The following HBEGF variants were observed in gnomAD, a reference collection of about 807,000 sequenced individuals.
HBEGF encodes the protein heparin binding EGF like growth factor.
Under a neutral mutation model 19.5 loss-of-function variants are expected in HBEGF, and 8 were observed. That is an observed-to-expected ratio of 0.41 (90% CI 0.24 to 0.74). HBEGF has a LOEUF of 0.74. Ranked by LOEUF, HBEGF falls within the 30% of genes least tolerant of loss-of-function variation. HBEGF has a pLI of 0.32. For missense variants in HBEGF, 207 were observed against 256.9 expected (o/e 0.81, Z 1.33); for synonymous variants, 97 against 108.9 (o/e 0.89, Z 0.68).
rs1380474300 is a variant in HBEGF, at chr5:140,342,768, C to A, written c.265G>T (p.Glu89Ter). 3 of 1,614,198 alleles carry A rather than the reference C, an allele frequency of 1.9e-6. No individual in the cohort carries two copies. The highest frequency in any genetic ancestry group is 1.7e-6 in the Non-Finnish European group (2 of 1,180,032). ...TTCTTCTTTCTTTTCCCGTGCTCCTCCTTGTTTGGTGTGGCCAGTGCTTGT... is the reference window on the plus strand; with the variant it reads ...TTCTTCTTTCTTTTCCCGTGCTCCTACTTGTTTGGTGTGGCCAGTGCTTGT... ...KPQALATPNK[E>*]EHGKRKKKGK... The change falls in exon 3 of 6, where the codon GAG (glutamate) becomes TAG (stop). Residue 89 changes from glutamate (E) to a stop codon, truncating the protein, a stop_gained. Transcript: ENST00000230990. LOFTEE classifies it high-confidence loss of function.
Position 140,345,878 on chromosome 5 carries a change from CA to C in HBEGF, c.220+32del, listed in dbSNP as rs752913717. On this transcript the variant is annotated intron_variant, in intron 2 of 5. Coordinates refer to ENST00000230990, the MANE Select transcript of HBEGF (RefSeq NM_001945.3). ...ATCTGCTTATTCTTCAACAGCCCAC[CA>C]AGGTCCAAGGATGGGGGGCCTCCAC... 1.3e-5 allele frequency: 21 copies of C among 1,612,438 alleles called. No homozygotes were observed. The Admixed American group carries it at 3.5e-4, about 27-fold the overall frequency.
chr5:140,344,995 T>G (rs771760481), intron 2 of HBEGF, among the ~76,000 whole-genome samples: 2 of 152,032 alleles, frequency 1.3e-5, no homozygotes, highest in Non-Finnish European at 2.9e-5. Context: ...CCAGGCTCAG[T>G]TTTGGAGTAT....
At chr5:140,335,429 C>T (rs909232540) in intron 4 of HBEGF, among the ~76,000 whole-genome samples, 5 of 151,092 alleles carry the variant, frequency 3.3e-5, no homozygotes, top group African/African-American at 4.9e-5. Context: ...GCATAGAGTG[C>T]TTGGTGGGTC....
chr5:140,341,218 A>G (rs1244744496), intron 3 of HBEGF, among the ~76,000 whole-genome samples: 2 of 152,200 alleles, frequency 1.3e-5, no homozygotes, highest in Non-Finnish European at 2.9e-5. Context: ...CCAGCTCTCC[A>G]GGAGGGCAAC....
chr5:140,346,510 C>A lies in HBEGF; in HGVS notation c.-182G>T. On this transcript the variant is annotated 5_prime_UTR_variant, in exon 1 of 6. Coordinates refer to ENST00000230990, the MANE Select transcript of HBEGF (RefSeq NM_001945.3). The surrounding 1 kb of genome is among the most constrained non-coding windows in gnomAD (Gnocchi z 6.1). Reference sequence around the variant, plus strand: ...AGCTCGCTCTTCTTGAGTGTCTTGTCTTGCTCACTCAGCCCGCCCGCGCGG... The same window carrying A: ...AGCTCGCTCTTCTTGAGTGTCTTGTATTGCTCACTCAGCCCGCCCGCGCGG... The A allele has an allele frequency of 2.9e-6, 2 of 682,160 alleles. No homozygotes were observed. Among genetic ancestry groups the A allele is most frequent in the Non-Finnish European group, 4.9e-6 (2 of 408,542 alleles). The allele number at this position is 682,160 out of a possible 1,614,324, so 42.3% of individuals were successfully genotyped here. A position where few individuals can be genotyped will look rare whatever the true frequency, so the allele number is the denominator to read the frequency against.
intron 3 of HBEGF, among the ~76,000 whole-genome samples, chr5:140,339,002 G>A (rs543611251): frequency 6.6e-6 from 1 of 152,264 alleles, no homozygotes; most frequent in East Asian, 1.9e-4. Flanking sequence ...CTAAACATTG[G>A]TTTCCTCATG....
chr5:140,343,769 C>G (rs1202382595), intron 2 of HBEGF, among the ~76,000 whole-genome samples: 1 of 152,202 alleles, frequency 6.6e-6, no homozygotes, highest in Non-Finnish European at 1.5e-5. Context: ...ATGGCTACAG[C>G]CATGTGTCTT....
chr5:140,346,509 T>A lies in HBEGF; in HGVS notation c.-181A>T. ...CAGCTCGCTCTTCTTGAGTGTCTTG[T>A]CTTGCTCACTCAGCCCGCCCGCGCG... On this transcript the variant is annotated 5_prime_UTR_variant, in exon 1 of 6. Coordinates refer to ENST00000230990, the MANE Select transcript of HBEGF (RefSeq NM_001945.3). This position sits in a 1 kb window ranked among gnomAD's most constrained non-coding sequence, Gnocchi z 6.1. 1 of 680,838 alleles carries A rather than the reference T, an allele frequency of 1.5e-6. No individual in the cohort carries two copies. The highest frequency in any genetic ancestry group is 1.8e-5 in the African/African-American group (1 of 54,768). The allele number at this position is 680,838 out of a possible 1,614,324, so 42.2% of individuals were successfully genotyped here. A position where few individuals can be genotyped will look rare whatever the true frequency, so the allele number is the denominator to read the frequency against.
intron 3 of HBEGF, among the ~76,000 whole-genome samples, chr5:140,342,369 C>T (rs563907080): frequency 7.9e-5 from 12 of 152,276 alleles, no homozygotes; most frequent in African/African-American, 2.9e-4. Flanking sequence ...GCCAGCTGTC[C>T]TAGCCACATG....
intron 3 of HBEGF, among the ~76,000 whole-genome samples, chr5:140,338,760 C>G (rs1766264864): frequency 6.6e-6 from 1 of 152,172 alleles, no homozygotes; most frequent in East Asian, 1.9e-4. Flanking sequence ...AGCCACCCAC[C>G]AGACTAGGAC....
chr5:140,336,459 C>T (rs1349176463), intron 3 of HBEGF, among the ~76,000 whole-genome samples: 2 of 152,216 alleles, frequency 1.3e-5, no homozygotes, highest in African/African-American at 2.4e-5. Context: ...CAGTGAGGCC[C>T]CTCAACATTC....
chr5:140,342,499 CT>C, intron 3 of HBEGF, 135 bp downstream of exon 3: 1 of 836,314 alleles, frequency 1.2e-6, no homozygotes, highest in South Asian at 1.7e-5. Flanking sequence ...TATATTTCCC[CT>C]CCTCCCAACT....
chr5:140,338,646 C>T (rs1766263489), intron 3 of HBEGF, among the ~76,000 whole-genome samples: 1 of 152,172 alleles, frequency 6.6e-6, no homozygotes, highest in African/African-American at 2.4e-5. Context: ...CCTACCTCCC[C>T]CTCCCTTTGC....
chr5:140,335,742 TACACCC>T, intron 4 of HBEGF, 124 bp downstream of exon 4: 1 of 992,262 alleles, frequency 1.0e-6, no homozygotes, highest in South Asian at 1.6e-5. Context: ...TTGGAGAATC[TACACCC>T]CGGAGCTAGC....
intron 2 of HBEGF, chr5:140,343,036 C>T: frequency 3.7e-6 from 2 of 539,114 alleles, no homozygotes; most frequent in Non-Finnish European, 6.6e-6. Context: ...AGGGTGGGTC[C>T]CAAGGAAGGC....
chr5:140,340,974 G>T (rs1766302500), intron 3 of HBEGF, among the ~76,000 whole-genome samples: 1 of 152,194 alleles, frequency 6.6e-6, no homozygotes, highest in South Asian at 2.1e-4. Context: ...TGCCTACTCA[G>T]CAGAGGGCTT....
rs762094044 is a variant in HBEGF, at chr5:140,345,894, G to T, written c.220+17C>A. The T allele has an allele frequency of 4.3e-6, 7 of 1,613,676 alleles. No homozygotes were observed. Among genetic ancestry groups the T allele is most frequent in the Non-Finnish European group, 5.1e-6 (6 of 1,179,838 alleles). ...ACAGCCCACCAAGGTCCAAGGATGG[G>T]GGGCCTCCACACCCACCTCTCAAAA... is the stretch of plus-strand genomic sequence containing the variant. On this transcript the variant is annotated intron_variant, in intron 2 of 5. Coordinates refer to ENST00000230990, the MANE Select transcript of HBEGF (RefSeq NM_001945.3).
chr5:140,342,169 T>C (rs111597669), intron 3 of HBEGF, among the ~76,000 whole-genome samples: 15 of 152,234 alleles, frequency 9.9e-5, no homozygotes, highest in African/African-American at 3.4e-4. Flanking sequence ...TCACAGTCAA[T>C]CCACATTTGC....
intron 3 of HBEGF, among the ~76,000 whole-genome samples, chr5:140,338,447 T>C (rs1308150073): frequency 2.0e-5 from 3 of 152,174 alleles, no homozygotes; most frequent in Non-Finnish European, 4.4e-5. Context: ...TTCAGAGACT[T>C]TGCTTTCCTG....
Sources: allele counts gnomAD v4.1 joint callset (sites outside exome capture counted in the v4.1 genomes callset), GRCh38; gene constraint gnomAD v4.1.1; non-coding constraint Gnocchi (gnomAD v3.1); transcripts MANE v1.5; gene names NCBI Gene and HGNC (gene_info 2026-07-23, HGNC 2026-07-21).